KAZN: variants seen among roughly 807,000 people sequenced by gnomAD.
The protein encoded by KAZN is kazrin, periplakin interacting protein.
A neutral mutation model predicts 87.4 loss-of-function variants in KAZN; 40 were observed. The ratio of observed to expected loss-of-function variants is 0.46; its 90% CI spans 0.36 to 0.60. The LOEUF is 0.60. Ranked by LOEUF, KAZN falls within the 20% of genes least tolerant of loss-of-function variation. The pLI is 0.00. For synonymous variants in KAZN, 466 were observed against 458.3 expected, an observed-to-expected ratio of 1.02 and a Z score of -0.22; for missense variants, 898 against 1,073.9, an observed-to-expected ratio of 0.84 and a Z score of 2.29.
At chr1:14,234,548 T>TATAATA (rs532271975) in intron 2 of KAZN, among the ~76,000 whole-genome samples, 119 of 151,912 alleles carry the variant, frequency 7.8e-4, no homozygotes, top group African/African-American at 2.6e-3. Flanking sequence ...GAACTTAAAG[T>TATAATA]ATAATAATAA....
At chr1:15,004,770 C>T (rs1478171767) in intron 2 of KAZN, among the ~76,000 whole-genome samples, 2 of 152,116 alleles carry the variant, frequency 1.3e-5, no homozygotes, top group Admixed American at 6.6e-5. Flanking sequence ...CTGCCTTAAG[C>T]GCTCATTGAC....
In KAZN at chr1:14,492,665, AATACACACTACAC is replaced by A. The variant is rs761239531; in HGVS notation, c.250-106316_250-106304del. Among the ~76,000 whole-genome samples, 86 of 30,818 alleles carry A rather than the reference AATACACACTACAC, an allele frequency of 2.8e-3. 5 individuals are homozygous for A. The highest frequency in any genetic ancestry group is 4.3e-3 in the East Asian group (4 of 924). 20.2% of individuals were successfully genotyped at this position (30,818 alleles called of 152,430 possible). ...CATAACCACACATGCACACACCACA[AATACACACTACAC>A]ACCACACACACACCACACATACACA... On this transcript the variant is annotated intron_variant, in intron 2 of 16. Coordinates refer to the KAZN transcript ENST00000636203.
chr1:14,462,166 A>G (rs1055031269), intron 2 of KAZN, among the ~76,000 whole-genome samples: 1 of 151,600 alleles, frequency 6.6e-6, no homozygotes, highest in Non-Finnish European at 1.5e-5. Flanking sequence ...ACAAAATGCT[A>G]AATGGCTGTG....
intron 1 of KAZN, among the ~76,000 whole-genome samples, chr1:14,874,005 AG>A (rs1465753408): frequency 1.3e-5 from 2 of 152,142 alleles, no homozygotes; most frequent in African/African-American, 2.4e-5. Context: ...GCGAGTTTAG[AG>A]GGGGTGGGCC....
chr1:15,067,375 C>G (rs991304690), intron 8 of KAZN: 3 of 985,456 alleles, frequency 3.0e-6, no homozygotes, highest in Non-Finnish European at 3.6e-6. Flanking sequence ...TGGGGGGTGG[C>G]GTTGGCCCCA....
intron 1 of KAZN, among the ~76,000 whole-genome samples, chr1:14,045,917 C>T (rs1642049819): frequency 6.6e-6 from 1 of 152,164 alleles, no homozygotes; most frequent in African/African-American, 2.4e-5. Flanking sequence ...TATTTTCCTA[C>T]ACACAAATAA....
chr1:14,419,876 G>T (rs191632610), intron 2 of KAZN, among the ~76,000 whole-genome samples: 2 of 152,100 alleles, frequency 1.3e-5, no homozygotes, highest in Non-Finnish European at 2.9e-5. Flanking sequence ...AGCTCGCACA[G>T]ACAGTGAGAC....
At chr1:14,002,499 C>T (rs1022518492) in intron 1 of KAZN, among the ~76,000 whole-genome samples, 1 of 152,182 alleles carries the variant, frequency 6.6e-6, no homozygotes, top group Non-Finnish European at 1.5e-5. Flanking sequence ...TGCCTTTTGC[C>T]TTCTGCCATG....
chr1:14,413,794 G>C (rs1256289200), intron 2 of KAZN, among the ~76,000 whole-genome samples: 2 of 151,884 alleles, frequency 1.3e-5, no homozygotes, highest in Non-Finnish European at 2.9e-5. Flanking sequence ...AGTGAGACTA[G>C]ATACATTTTA....
intron 2 of KAZN, among the ~76,000 whole-genome samples, chr1:14,961,902 G>T (rs938531816): frequency 1.3e-5 from 2 of 152,196 alleles, no homozygotes; most frequent in Non-Finnish European, 2.9e-5. Context: ...AGCATTTGAG[G>T]CCGGTTGGGT....
intron 2 of KAZN, among the ~76,000 whole-genome samples, chr1:14,263,989 C>A (rs1651279808): frequency 6.6e-6 from 1 of 152,194 alleles, no homozygotes. Context: ...TTTAATATCT[C>A]CCCTGTTGCA....
chr1:13,983,647 C>G (rs538945393), intron 1 of KAZN, among the ~76,000 whole-genome samples: 2 of 152,204 alleles, frequency 1.3e-5, no homozygotes, highest in Non-Finnish European at 2.9e-5. Context: ...CCTCAAGTGC[C>G]GCCAAAGTGG....
At chr1:14,304,314 A>T (rs1654768547) in intron 2 of KAZN, among the ~76,000 whole-genome samples, 1 of 152,166 alleles carries the variant, frequency 6.6e-6, no homozygotes, top group African/African-American at 2.4e-5. Context: ...AGATTCAAAA[A>T]CTTAAAGGGA....
In KAZN at chr1:13,999,668, C is replaced by T. The variant is rs1232727461; in HGVS notation, c.91+105912C>T. Among the ~76,000 whole-genome samples, 3 of 152,098 alleles carry T rather than the reference C, an allele frequency of 2.0e-5. No individual in the cohort carries two copies. The East Asian group carries it at 5.8e-4, about 29-fold the overall frequency. ...AGCTAGAGTGAAAGGAAAACTAATCCAAAAGCTAGCAGAAGACAAGAAATA... is the reference window on the plus strand; with the variant it reads ...AGCTAGAGTGAAAGGAAAACTAATCTAAAAGCTAGCAGAAGACAAGAAATA... On this transcript the variant is annotated intron_variant, in intron 1 of 16. Transcript: ENST00000636203.
intron 2 of KAZN, among the ~76,000 whole-genome samples, chr1:14,402,137 CAA>C (rs1663466431): frequency 6.7e-6 from 1 of 149,644 alleles, no homozygotes; most frequent in Non-Finnish European, 1.5e-5. Context: ...AAAAAGCACT[CAA>C]AAAGTCCAAT....
At chr1:14,329,045 G>T (rs552728999) in intron 2 of KAZN, among the ~76,000 whole-genome samples, 2 of 152,290 alleles carry the variant, frequency 1.3e-5, no homozygotes, top group South Asian at 4.2e-4. Context: ...TGATTCAGGT[G>T]AACAAACAAT....
At chr1:14,485,369 C>A (rs527598774) in intron 2 of KAZN, among the ~76,000 whole-genome samples, 2 of 152,172 alleles carry the variant, frequency 1.3e-5, no homozygotes, top group Non-Finnish European at 2.9e-5. Flanking sequence ...GGAGGTGGGA[C>A]TCAACTCCAG....
At chr1:14,943,626 A>G (rs543735409) in intron 1 of KAZN, among the ~76,000 whole-genome samples, 1 of 152,366 alleles carries the variant, frequency 6.6e-6, no homozygotes, top group East Asian at 1.9e-4. Context: ...AATCACTCCC[A>G]TTTTACAGAT....
chr1:14,377,579 TGTTGCAGCTGAC>T (rs1340009215), intron 2 of KAZN, among the ~76,000 whole-genome samples: 3 of 152,240 alleles, frequency 2.0e-5, no homozygotes, highest in Non-Finnish European at 4.4e-5. Context: ...TTAGAGCTGC[TGTTGCAGCTGAC>T]ATAACACTGT....
Sources: allele counts gnomAD v4.1 joint callset (sites outside exome capture counted in the v4.1 genomes callset), GRCh38; gene constraint gnomAD v4.1.1; transcripts MANE v1.5; gene names NCBI Gene and HGNC (gene_info 2026-07-23, HGNC 2026-07-21).